The following APBA1 variants were observed in gnomAD, a reference collection of about 807,000 sequenced individuals.
APBA1 encodes amyloid beta precursor protein binding family A member 1, also known as amyloid-beta A4 precursor protein-binding family A member 1.
APBA1 carries 55 observed loss-of-function variants against 86.6 expected under a neutral mutation model. The ratio of observed to expected loss-of-function variants is 0.64; its 90% CI spans 0.51 to 0.80. The LOEUF (loss-of-function observed/expected upper bound fraction) is 0.80. Ranked by LOEUF, APBA1 falls within the 30% of genes least tolerant of loss-of-function variation. APBA1 has a pLI of 0.00. For synonymous variants in APBA1, 511 were observed against 493.9 expected, an observed-to-expected ratio of 1.03 and a Z score of -0.46; for missense variants, 1,090 against 1,183.0, an observed-to-expected ratio of 0.92 and a Z score of 1.15.
intron 4 of APBA1, among the ~76,000 whole-genome samples, chr9:69,470,720 C>T (rs1431420463): frequency 6.6e-6 from 1 of 152,180 alleles, no homozygotes; most frequent in South Asian, 2.1e-4. Context: ...GATGTCTGGG[C>T]GTTCTCTGGC....
At chr9:69,560,283 A>G (rs1012665743) in intron 1 of APBA1, among the ~76,000 whole-genome samples, 3 of 151,850 alleles carry the variant, frequency 2.0e-5, no homozygotes, top group East Asian at 1.9e-4. Flanking sequence ...ATTTTAACCA[A>G]TTTTTCTATT....
chr9:69,465,978 G>A (rs2133826168), intron 5 of APBA1, among the ~76,000 whole-genome samples: 1 of 152,282 alleles, frequency 6.6e-6, no homozygotes, highest in East Asian at 1.9e-4. Flanking sequence ...ACTAGGTCTG[G>A]CCTAGCAGGG....
intron 1 of APBA1, among the ~76,000 whole-genome samples, chr9:69,624,001 A>G (rs1416508533): frequency 6.6e-6 from 1 of 152,214 alleles, no homozygotes; most frequent in East Asian, 1.9e-4. Context: ...TAAAACATAA[A>G]TCATCATAAT....
intron 1 of APBA1, among the ~76,000 whole-genome samples, chr9:69,558,533 TACACACACACATACACAC>T (rs1235118184): frequency 1.4e-5 from 2 of 145,130 alleles, no homozygotes; most frequent in African/African-American, 5.3e-5. Context: ...TATATATATA[TACACACACACATACACAC>T]ACACACACAC....
chr9:69,667,371 G>T (rs1823861806), intron 1 of APBA1, among the ~76,000 whole-genome samples: 1 of 151,956 alleles, frequency 6.6e-6, no homozygotes, highest in Admixed American at 6.6e-5. Context: ...GGTCCTCATG[G>T]TTGGGTAATG....
chr9:69,498,148 G>A (rs986923405), intron 2 of APBA1, among the ~76,000 whole-genome samples: 2 of 152,050 alleles, frequency 1.3e-5, no homozygotes, highest in Non-Finnish European at 2.9e-5. Context: ...CTGTGACTGG[G>A]TTACAAAAAA....
chr9:69,482,983 G>A (rs1447717829), intron 2 of APBA1, among the ~76,000 whole-genome samples: 1 of 106,616 alleles, frequency 9.4e-6, no homozygotes, highest in Non-Finnish European at 1.8e-5. Flanking sequence ...GTGGGGGGAG[G>A]GGGGAGGGAT....
intron 1 of APBA1, among the ~76,000 whole-genome samples, chr9:69,530,306 G>GTATATATATATATA (rs370549415): frequency 4.1e-4 from 47 of 116,040 alleles, no homozygotes; most frequent in Admixed American, 7.4e-4. Flanking sequence ...TTGTGTGTGT[G>GTATATATATATATA]TATATATATA....
intron 1 of APBA1, among the ~76,000 whole-genome samples, chr9:69,656,641 T>A (rs1369148089): frequency 6.6e-6 from 1 of 152,236 alleles, no homozygotes; most frequent in East Asian, 1.9e-4. Context: ...TTGATTCAAG[T>A]GCTAGTTATA....
chr9:69,568,030 T>C (rs28488945), intron 1 of APBA1, among the ~76,000 whole-genome samples: 5,474 of 152,270 alleles, frequency 0.036, 328 homozygotes, highest in African/African-American at 0.12. Context: ...TTGCCAAAAA[T>C]GCTTAACAAA....
rs140477496 is a variant in APBA1, at chr9:69,620,778, C to T, written c.-70+51375G>A. On this transcript the variant is annotated intron_variant, in intron 1 of 12. Transcript: ENST00000265381. Reference sequence around the variant, plus strand: ...CCGAAAGTGGCTGCAGGGTCCTTTCCCAGTCATTTAAATTCACTCCATCTC... The same window carrying T: ...CCGAAAGTGGCTGCAGGGTCCTTTCTCAGTCATTTAAATTCACTCCATCTC... Among the ~76,000 whole-genome samples, 78 of 152,270 alleles carry T rather than the reference C, an allele frequency of 5.1e-4. 1 individual carries two copies. In the East Asian group the frequency reaches 0.014, roughly 27 times the overall value.
chr9:69,652,066 A>G (rs951707406), intron 1 of APBA1, among the ~76,000 whole-genome samples: 1 of 152,238 alleles, frequency 6.6e-6, no homozygotes, highest in Non-Finnish European at 1.5e-5. Context: ...CCACGTGAGG[A>G]CACAGCAAGA....
At chr9:69,490,305 C>T (rs995929274) in intron 2 of APBA1, among the ~76,000 whole-genome samples, 1 of 151,638 alleles carries the variant, frequency 6.6e-6, no homozygotes, top group African/African-American at 2.4e-5. Flanking sequence ...AGGGGAACAT[C>T]ACACTCTGGG....
intron 1 of APBA1, among the ~76,000 whole-genome samples, chr9:69,524,450 C>T (rs182039672): frequency 6.6e-6 from 1 of 152,116 alleles, no homozygotes; most frequent in African/African-American, 2.4e-5. Flanking sequence ...CTATTATGAA[C>T]ACCTCTATAC....
chr9:69,490,717 C>T (rs1245723904), intron 2 of APBA1, among the ~76,000 whole-genome samples: 4 of 152,044 alleles, frequency 2.6e-5, no homozygotes, highest in Non-Finnish European at 5.9e-5. Flanking sequence ...TGACAAAGGG[C>T]TAATATCCAG....
chr9:69,516,768 T>A lies in APBA1; in HGVS notation c.443A>T (p.Asn148Ile), dbSNP rs773689213. Reference sequence around the variant, plus strand: ...CTCCAGCGAGTGGAAGTGCAGGTGGTTGGGCAGCGCGCGGCGGTGCGTGGC... The same window carrying A: ...CTCCAGCGAGTGGAAGTGCAGGTGGATGGGCAGCGCGCGGCGGTGCGTGGC... ...AEATHRRALPNHLHFHSLEHE... is the reference protein window; with the variant it reads ...AEATHRRALPIHLHFHSLEHE... Residue 148 changes from asparagine to isoleucine, a missense_variant, in exon 2 of 13, where the codon AAC becomes ATC. Physicochemically the swap from Asn to Ile is moderately radical, Grantham distance 149. Around this residue, in one of 6 missense-constraint regions of APBA1, gnomAD observed 678 missense variants for 647.1 expected, o/e 1.05. Transcript: ENST00000265381. The surrounding 1 kb of genome is among the most constrained non-coding windows in gnomAD (Gnocchi z 7.3). The A allele has an allele frequency of 6.2e-7, 1 of 1,611,890 alleles. No homozygotes were observed. Among genetic ancestry groups the A allele is most frequent in the Admixed American group, 1.7e-5 (1 of 59,978 alleles).
At chr9:69,455,734 A>T (rs1465848534) in intron 8 of APBA1, among the ~76,000 whole-genome samples, 1 of 152,070 alleles carries the variant, frequency 6.6e-6, no homozygotes, top group East Asian at 1.9e-4. Context: ...GCTTGGACAG[A>T]CCTGCTCAAA....
intron 1 of APBA1, among the ~76,000 whole-genome samples, chr9:69,535,888 CTTTG>C (rs1836500315): frequency 2.6e-5 from 4 of 152,046 alleles, no homozygotes; most frequent in South Asian, 4.2e-4. Context: ...GAGAGCTCTT[CTTTG>C]TTTGAAGTGT....
chr9:69,540,668 T>A (rs1160796137), intron 1 of APBA1, among the ~76,000 whole-genome samples: 1 of 152,188 alleles, frequency 6.6e-6, no homozygotes, highest in African/African-American at 2.4e-5. Flanking sequence ...GGTGCTATCA[T>A]AGCTCACTGC....
Sources: allele counts gnomAD v4.1 joint callset (sites outside exome capture counted in the v4.1 genomes callset), GRCh38; gene constraint gnomAD v4.1.1; regional missense constraint gnomAD v4.1.1; non-coding constraint Gnocchi (gnomAD v3.1); transcripts MANE v1.5; gene names NCBI Gene and HGNC (gene_info 2026-07-23, HGNC 2026-07-21).